The following CAP2 variants were observed in gnomAD, a reference collection of about 807,000 sequenced individuals.
CAP2 encodes the protein adenylyl cyclase-associated protein 2.
A neutral mutation model predicts 57.7 loss-of-function variants in CAP2; 24 were observed. That is an observed-to-expected ratio of 0.42 (90% CI 0.30 to 0.58). CAP2 has a LOEUF of 0.58. CAP2 is among the 20% of genes least tolerant of loss of function. CAP2 has a pLI of 0.22. For synonymous variants in CAP2, 194 were observed against 207.2 expected, an observed-to-expected ratio of 0.94 and a Z score of 0.55; for missense variants, 501 against 590.3, an observed-to-expected ratio of 0.85 and a Z score of 1.57.
At chr6:17,458,030 C>G (rs74920263) in intron 3 of CAP2, among the ~76,000 whole-genome samples, 4,013 of 152,206 alleles carry the variant, frequency 0.026, 39 homozygotes, top group Middle Eastern at 0.054. Context: ...TATTTATAGC[C>G]AAGCTGTGCA....
At chr6:17,470,003 T>A (rs1344063733) in intron 4 of CAP2, among the ~76,000 whole-genome samples, 1 of 152,234 alleles carries the variant, frequency 6.6e-6, no homozygotes, top group Non-Finnish European at 1.5e-5. Flanking sequence ...GGCATAAATA[T>A]GTTCAGGATT....
In CAP2 at chr6:17,541,035, G is replaced by C. The variant is rs949573378; in HGVS notation, c.889G>C (p.Gly297Arg). ...YKNPSLRAQG[G>R]QTQSPTKSHT... ...AAATCCCAGCCTGCGGGCTCAAGGA[G>C]GGCAAACTCAATCTCCCACCAAAAG... The change falls in exon 9 of 13, where the codon GGG becomes CGG. Residue 297 changes from glycine to arginine, a missense_variant. By Grantham distance (125) the Gly-to-Arg change is moderately radical. Coordinates refer to ENST00000229922, the MANE Select transcript of CAP2 (RefSeq NM_006366.3). 6.2e-6 allele frequency: 10 copies of C among 1,613,964 alleles called. No homozygotes were observed. The highest frequency in any genetic ancestry group is 8.5e-6 in the Non-Finnish European group (10 of 1,179,980).
At chr6:17,494,929 G>GT (rs1210564734) in intron 4 of CAP2, among the ~76,000 whole-genome samples, 2 of 152,144 alleles carry the variant, frequency 1.3e-5, no homozygotes, top group African/African-American at 4.8e-5. Flanking sequence ...GGGAAATTGG[G>GT]TTTTTTGTTT....
At chr6:17,470,736 T>A (rs1760995881) in intron 4 of CAP2, among the ~76,000 whole-genome samples, 1 of 152,178 alleles carries the variant, frequency 6.6e-6, no homozygotes, top group African/African-American at 2.4e-5. Context: ...AAGGAAGAAG[T>A]AACAGATTTG....
At chr6:17,462,877 G>T in intron 3 of CAP2, 119 bp from the exon 4 acceptor site, 1 of 721,240 alleles carries the variant, frequency 1.4e-6, no homozygotes. Flanking sequence ...ACAAGTTTTT[G>T]TGTGAAGATA....
chr6:17,526,694 C>T (rs1359323220), intron 7 of CAP2, among the ~76,000 whole-genome samples: 2 of 151,964 alleles, frequency 1.3e-5, no homozygotes, highest in African/African-American at 4.8e-5. Context: ...GTAGTGGCTC[C>T]CGCCTGTAAT....
At chr6:17,419,468 T>C (rs556314412) in intron 1 of CAP2, among the ~76,000 whole-genome samples, 12 of 152,268 alleles carry the variant, frequency 7.9e-5, no homozygotes, top group African/African-American at 2.4e-4. Flanking sequence ...AAAGCAACCA[T>C]AAGTTGATAT....
intron 4 of CAP2, among the ~76,000 whole-genome samples, chr6:17,475,257 T>C (rs1220128453): frequency 6.6e-6 from 1 of 151,814 alleles, no homozygotes; most frequent in Non-Finnish European, 1.5e-5. Flanking sequence ...GGAAGGGAAC[T>C]GAGTGAAGGA....
At chr6:17,522,368 A>G (rs986420244) in intron 7 of CAP2, among the ~76,000 whole-genome samples, 2 of 152,218 alleles carry the variant, frequency 1.3e-5, no homozygotes, top group Non-Finnish European at 2.9e-5. Context: ...TGTACCAAGC[A>G]CACACCAGGC....
At chr6:17,497,403 G>A (rs1423753334) in intron 4 of CAP2, among the ~76,000 whole-genome samples, 5 of 152,190 alleles carry the variant, frequency 3.3e-5, no homozygotes, top group Non-Finnish European at 7.3e-5. Context: ...AGCTGAACCA[G>A]TAAGCTGAAA....
Position 17,513,963 on chromosome 6 carries a change from G to T in CAP2, c.636+9G>T, listed in dbSNP as rs1157134318. On this transcript the variant is annotated intron_variant, in intron 7 of 12. Coordinates refer to ENST00000229922, the MANE Select transcript of CAP2 (RefSeq NM_006366.3). The surrounding 1 kb of genome is among the most constrained non-coding windows in gnomAD (Gnocchi z 4.3). ...TCACATGGAGCAAAACAGTGAGTAC[G>T]AGGCCTTCCTCCACGTGTGTAAAAA... 3.3e-6 allele frequency: 5 copies of T among 1,533,272 alleles called. No homozygotes were observed. In the Admixed American group the frequency reaches 8.3e-5, roughly 26 times the overall value. The allele number at this position is 1,533,272 out of a possible 1,614,324, so 95.0% of individuals were successfully genotyped here.
At chr6:17,463,188 G>C in intron 4 of CAP2, 115 bp downstream of exon 4, 2 of 701,792 alleles carry the variant, frequency 2.8e-6, no homozygotes, top group South Asian at 3.3e-5. Context: ...GAGACTTACA[G>C]CACGTGTATG....
intron 3 of CAP2, among the ~76,000 whole-genome samples, chr6:17,445,800 T>C (rs762565680): frequency 2.6e-5 from 4 of 152,194 alleles, no homozygotes; most frequent in Non-Finnish European, 5.9e-5. Flanking sequence ...CATTCTCCCA[T>C]AGACATTTCC....
At chr6:17,435,520 G>A (rs1736597615) in intron 3 of CAP2, among the ~76,000 whole-genome samples, 1 of 82,710 alleles carries the variant, frequency 1.2e-5, no homozygotes, top group African/African-American at 4.7e-5. Context: ...ATCACACTCT[G>A]GGGACTGTGG....
chr6:17,553,130 G>C (rs887493388), intron 12 of CAP2, among the ~76,000 whole-genome samples: 1 of 152,132 alleles, frequency 6.6e-6, no homozygotes, highest in Admixed American at 6.5e-5. Flanking sequence ...TAAGCAGAAG[G>C]AAGGCTCAGC....
intron 12 of CAP2, among the ~76,000 whole-genome samples, chr6:17,555,630 C>T (rs917680942): frequency 2.0e-5 from 3 of 151,826 alleles, no homozygotes; most frequent in Non-Finnish European, 4.4e-5. Context: ...GTGGCATGAT[C>T]TCGGCTGACC....
chr6:17,466,167 C>A (rs542050370), intron 4 of CAP2, among the ~76,000 whole-genome samples: 1 of 152,156 alleles, frequency 6.6e-6, no homozygotes, highest in African/African-American at 2.4e-5. Flanking sequence ...TAATGCAGAT[C>A]GTATTTTCTC....
chr6:17,508,040 G>T (rs1487724009), intron 6 of CAP2, among the ~76,000 whole-genome samples: 1 of 152,124 alleles, frequency 6.6e-6, no homozygotes, highest in Non-Finnish European at 1.5e-5. Flanking sequence ...AACCCTATAT[G>T]GTACAGAACC....
rs370099016 is a variant in CAP2 at position 17,422,906 on chromosome 6, CT to C, written c.121+1236del. Reference sequence around the variant, plus strand: ...AAATTTGAATTTCAGATAAAGAACACTTTTTTGGGGGGTATAAGGATGTCCC... The same window carrying C: ...AAATTTGAATTTCAGATAAAGAACACTTTTTGGGGGGTATAAGGATGTCCC... On this transcript the variant is annotated intron_variant, in intron 2 of 12. Coordinates refer to ENST00000229922, the MANE Select transcript of CAP2 (RefSeq NM_006366.3). Among the ~76,000 whole-genome samples the C allele has an allele frequency of 2.1e-4, 32 of 152,188 alleles. No individual in the cohort carries two copies. In the Middle Eastern group the frequency reaches 0.017, roughly 81 times the overall value.
Sources: gnomAD v4.1 joint callset for allele counts (sites outside exome capture counted in the v4.1 genomes callset) on GRCh38, gnomAD v4.1.1 for gene constraint, Gnocchi (gnomAD v3.1) non-coding constraint, MANE v1.5 for transcripts, NCBI Gene and HGNC (gene_info 2026-07-23, HGNC 2026-07-21) for gene names.